The following ETS1 variants were observed in gnomAD, a reference collection of about 807,000 sequenced individuals.
The protein encoded by ETS1 is protein C-ets-1.
ETS1 carries 15 observed loss-of-function variants against 58.6 expected under a neutral mutation model. The observed-to-expected ratio is 0.26, with a 90% confidence interval of 0.17 to 0.39. ETS1 has a LOEUF of 0.39. Among genes scored for constraint, ETS1 ranks in the 10% least tolerant of loss-of-function variants. The probability of loss-of-function intolerance (pLI) is 1.00; values close to 1 mark genes in which losing one functional copy is unlikely to be tolerated. For missense variants in ETS1, 417 were observed against 610.5 expected (o/e 0.68, Z 3.34); for synonymous variants, 214 against 218.2 (o/e 0.98, Z 0.17).
intron 3 of ETS1, among the ~76,000 whole-genome samples, chr11:128,506,297 T>TA (rs763764838): frequency 6.6e-5 from 10 of 151,882 alleles, no homozygotes; most frequent in African/African-American, 9.7e-5. Context: ...TATCTCAATT[T>TA]AAAAAAAAGT....
intron 3 of ETS1, among the ~76,000 whole-genome samples, chr11:128,509,849 T>C (rs1172887632): frequency 6.6e-6 from 1 of 152,218 alleles, no homozygotes; most frequent in Non-Finnish European, 1.5e-5. Context: ...AATTCTGGAC[T>C]CAATTTCTTA....
chr11:128,552,476 C>T (rs1864245977), intron 3 of ETS1, among the ~76,000 whole-genome samples: 1 of 152,202 alleles, frequency 6.6e-6, no homozygotes, highest in Non-Finnish European at 1.5e-5. Flanking sequence ...TGTTCTCTAG[C>T]TCCAGGCTGC....
intron 3 of ETS1, among the ~76,000 whole-genome samples, chr11:128,535,515 AT>A (rs1260799963): frequency 6.6e-6 from 1 of 152,174 alleles, no homozygotes. Context: ...CCTGAATGGT[AT>A]TGCCTAGATT....
Position 128,486,178 on chromosome 11 carries a change from G to A in ETS1, c.536-32C>T, listed in dbSNP as rs576478139. On this transcript the variant is annotated intron_variant, in intron 5 of 9. Transcript: ENST00000392668. ...TGAACAGATAGGGAAGGAACAAAGA[G>A]GTCAATATTCAAGTCATGCTTGGCC... The A allele has an allele frequency of 2.9e-6, 4 of 1,373,138 alleles. No individual in the cohort carries two copies. The East Asian group carries it at 6.9e-5, about 24-fold the overall frequency. The allele number at this position is 1,373,138 out of a possible 1,614,324, so 85.1% of individuals were successfully genotyped here.
intron 5 of ETS1, among the ~76,000 whole-genome samples, 161 bp downstream of exon 5, chr11:128,489,129 C>G (rs1318147246): frequency 1.3e-5 from 2 of 152,130 alleles, no homozygotes. Flanking sequence ...CTAAGAGTAC[C>G]TGCTGTATGC....
intron 3 of ETS1, chr11:128,504,859 T>C (rs1863188523): frequency 6.6e-6 from 1 of 152,206 alleles, no homozygotes; most frequent in Non-Finnish European, 1.5e-5. Context: ...CATCCAAAGA[T>C]CTAATAAATA....
At chr11:128,485,249 T>C (rs1176165388) in intron 6 of ETS1, among the ~76,000 whole-genome samples, 178 bp from the exon 7 acceptor site, 3 of 152,192 alleles carry the variant, frequency 2.0e-5, no homozygotes, top group Admixed American at 6.5e-5. Context: ...CTTTAGCCCT[T>C]GACAAGGTAA....
chr11:128,539,628 C>T (rs149704945), intron 3 of ETS1, among the ~76,000 whole-genome samples: 1 of 152,166 alleles, frequency 6.6e-6, no homozygotes, highest in African/African-American at 2.4e-5. Flanking sequence ...CCCAGAAATT[C>T]TACCCCTGGA....
chr11:128,566,181 C>G (rs1864491401), intron 2 of ETS1, among the ~76,000 whole-genome samples: 1 of 152,194 alleles, frequency 6.6e-6, no homozygotes, highest in Non-Finnish European at 1.5e-5. Context: ...GAGGATGTCT[C>G]CATCTTCACC....
chr11:128,514,390 TTC>T (rs1310367441), intron 3 of ETS1, among the ~76,000 whole-genome samples: 2 of 151,742 alleles, frequency 1.3e-5, no homozygotes, highest in Non-Finnish European at 2.9e-5. Context: ...CTTCATCCCT[TTC>T]TACAAGTAAG....
At chr11:128,527,182 A>G (rs1445361622) in intron 3 of ETS1, 10 of 320,008 alleles carry the variant, frequency 3.1e-5, no homozygotes, top group East Asian at 1.0e-4. Context: ...TAACCACACT[A>G]TGGTTCCCTG....
At chr11:128,522,282 C>G (rs1201524064) in intron 3 of ETS1, 1 of 1,117,406 alleles carries the variant, frequency 8.9e-7, no homozygotes, top group Non-Finnish European at 1.1e-6. Context: ...TCCTCTCCGC[C>G]GGCGGCTGCC....
In ETS1 at chr11:128,536,634, C is replaced by G. The variant is rs4245077; in HGVS notation, c.214+19657G>C. 2.0e-5 allele frequency: 3 copies of G among 152,350 alleles called. No individual in the cohort carries two copies. In the South Asian group the frequency reaches 6.2e-4, roughly 32 times the overall value. 9.4% of individuals were successfully genotyped at this position (152,350 alleles called of 1,614,324 possible). ...TGAGCAATGTTAAGAGGCATAACAG[C>G]CAAATCAAGACACACAAGAAGCCTC... is the stretch of plus-strand genomic sequence containing the variant. On this transcript the variant is annotated intron_variant, in intron 3 of 9. Coordinates refer to ENST00000392668, the MANE Select transcript of ETS1 (RefSeq NM_001143820.2).
chr11:128,525,301 C>T (rs1172922648), intron 3 of ETS1, among the ~76,000 whole-genome samples: 2 of 152,072 alleles, frequency 1.3e-5, no homozygotes, highest in Non-Finnish European at 2.9e-5. Flanking sequence ...TCCTCAAGCA[C>T]ATGGAGTATG....
chr11:128,523,551 C>A (rs879467270), intron 3 of ETS1, among the ~76,000 whole-genome samples: 2 of 152,216 alleles, frequency 1.3e-5, no homozygotes, highest in Admixed American at 6.5e-5. Context: ...GTAACTGTAA[C>A]CTCTGCCTCT....
intron 5 of ETS1, among the ~76,000 whole-genome samples, chr11:128,487,355 G>C (rs1471920474): frequency 6.6e-6 from 1 of 152,188 alleles, no homozygotes. Context: ...CCCTAAGTGA[G>C]GCCAAACCAG....
rs771025037 is a variant in ETS1, at chr11:128,486,124, A to G, written c.558T>C (p.Val186=). 4 of 1,609,430 alleles carry G rather than the reference A, an allele frequency of 2.5e-6. No individual in the cohort carries two copies. The highest frequency in any genetic ancestry group is 3.4e-6 in the Non-Finnish European group (4 of 1,175,810). The change falls in exon 6 of 10, where the codon GTT becomes GTC. Residue 186 remains valine (V), a synonymous_variant. Transcript: ENST00000392668. ...CTGGATAGGCTGGGTTGACTCCATT[A>G]ACTTGATATGGTTTCACATCCTCTG... is the stretch of plus-strand genomic sequence containing the variant. ...LQKEDVKPYQ[V]NGVNPAYPES... is the part of the protein sequence containing the mutation.
intron 8 of ETS1, among the ~76,000 whole-genome samples, 159 bp downstream of exon 8, chr11:128,480,032 G>T (rs1349455843): frequency 1.3e-5 from 2 of 151,832 alleles, no homozygotes; most frequent in African/African-American, 2.4e-5. Flanking sequence ...AAGCAGAGTG[G>T]CTGGAGAGAG....
At chr11:128,584,987 A>AAAGAAAGAAAGAAAGAAAGG (rs1344750707) in intron 1 of ETS1, among the ~76,000 whole-genome samples, 1 of 51,224 alleles carries the variant, frequency 2.0e-5, no homozygotes. Flanking sequence ...AGAAAGAAAG[A>AAAGAAAGAAAGAAAGAAAGG]AAGGAAGGAA....
Sources: gnomAD v4.1 joint callset for allele counts (sites outside exome capture counted in the v4.1 genomes callset) on GRCh38, gnomAD v4.1.1 for gene constraint, MANE v1.5 for transcripts, NCBI Gene and HGNC (gene_info 2026-07-23, HGNC 2026-07-21) for gene names.